The following ANKFN1 variants were observed in gnomAD, a reference collection of about 807,000 sequenced individuals.
ANKFN1 encodes ankyrin repeat and fibronectin type III domain containing 1, also known as ankyrin repeat and fibronectin type-III domain-containing protein 1.
In ANKFN1, 74 loss-of-function variants were observed where a neutral mutation model predicts 108.7. The observed-to-expected ratio is 0.68, with a 90% CI of 0.56 to 0.83. The LOEUF is 0.83. Among genes scored for constraint, ANKFN1 ranks in the 40% least tolerant of loss-of-function variants. The pLI is 0.00. For missense variants in ANKFN1, 1,505 were observed against 1,382.3 expected (o/e 1.09, Z -1.41); for synonymous variants, 547 against 516.2 (o/e 1.06, Z -0.81).
chr17:56,068,262 A>T (rs553256764), intron 4 of ANKFN1, among the ~76,000 whole-genome samples: 4 of 152,124 alleles, frequency 2.6e-5, no homozygotes, highest in Admixed American at 6.5e-5. Context: ...CACTCCAATG[A>T]GTGGTTAAAG....
chr17:56,507,595 C>CAAGGATG (rs2051609817), intron 20 of ANKFN1, among the ~76,000 whole-genome samples: 1 of 152,180 alleles, frequency 6.6e-6, no homozygotes. Context: ...TTGGCTTCCC[C>CAAGGATG]TCAGCTCAAC....
chr17:56,507,381 C>A (rs1199608704), intron 20 of ANKFN1, among the ~76,000 whole-genome samples: 1 of 152,136 alleles, frequency 6.6e-6, no homozygotes, highest in Non-Finnish European at 1.5e-5. Flanking sequence ...CCTCTGAGGA[C>A]AATGTGTCCT....
intron 3 of ANKFN1, among the ~76,000 whole-genome samples, chr17:56,235,199 G>A (rs562355735): frequency 6.6e-6 from 1 of 152,072 alleles, no homozygotes; most frequent in South Asian, 2.1e-4. Context: ...AATGTTTGTT[G>A]TTGTTGTTGT....
chr17:56,370,564 A>G (rs1335307084), intron 6 of ANKFN1, among the ~76,000 whole-genome samples: 1 of 152,236 alleles, frequency 6.6e-6, no homozygotes, highest in Non-Finnish European at 1.5e-5. Flanking sequence ...GGATAACTTA[A>G]CAAGGACAAT....
intron 3 of ANKFN1, among the ~76,000 whole-genome samples, chr17:56,241,636 C>T (rs550393306): frequency 6.6e-6 from 1 of 152,118 alleles, no homozygotes; most frequent in South Asian, 2.1e-4. Context: ...GCAAAAAGTA[C>T]CAAAACCCAT....
At chr17:56,316,803 A>G (rs976173972) in intron 3 of ANKFN1, among the ~76,000 whole-genome samples, 17 of 152,172 alleles carry the variant, frequency 1.1e-4, no homozygotes, top group Non-Finnish European at 2.2e-4. Flanking sequence ...ACCTAGGGTA[A>G]TTAAAGGATC....
intron 4 of ANKFN1, among the ~76,000 whole-genome samples, chr17:56,090,873 G>A (rs893993832): frequency 1.3e-5 from 2 of 151,200 alleles, no homozygotes; most frequent in East Asian, 3.9e-4. Context: ...ATCCCAAAGT[G>A]CTGGGATTAC....
chr17:56,285,710 C>T (rs1405405213), intron 3 of ANKFN1, among the ~76,000 whole-genome samples: 3 of 152,256 alleles, frequency 2.0e-5, no homozygotes, highest in South Asian at 2.1e-4. Context: ...TCCTCTTCCT[C>T]GGTTTCCTCC....
intron 6 of ANKFN1, among the ~76,000 whole-genome samples, chr17:56,362,988 A>T (rs2046562838): frequency 1.3e-5 from 2 of 152,146 alleles, no homozygotes; most frequent in African/African-American, 4.8e-5. Flanking sequence ...AGGCGGGAGG[A>T]TCATGAGGTC....
At chr17:56,097,769 T>A (rs1279140111) in intron 4 of ANKFN1, among the ~76,000 whole-genome samples, 1 of 152,218 alleles carries the variant, frequency 6.6e-6, no homozygotes, top group African/African-American at 2.4e-5. Flanking sequence ...TTCTTGCCCC[T>A]CCTTTATCAG....
chr17:56,414,987 T>C (rs2048199152), intron 8 of ANKFN1, among the ~76,000 whole-genome samples: 1 of 151,896 alleles, frequency 6.6e-6, no homozygotes, highest in Non-Finnish European at 1.5e-5. Flanking sequence ...ACCACTGCAC[T>C]CTGGCCTTGG....
intron 3 of ANKFN1, among the ~76,000 whole-genome samples, chr17:56,230,889 G>T (rs1916687110): frequency 6.6e-6 from 1 of 152,038 alleles, no homozygotes; most frequent in Non-Finnish European, 1.5e-5. Flanking sequence ...CCCATTGGTG[G>T]GGGTGAGGTG....
At chr17:56,255,675 T>C (rs2043340788) in intron 3 of ANKFN1, among the ~76,000 whole-genome samples, 1 of 152,206 alleles carries the variant, frequency 6.6e-6, no homozygotes, top group African/African-American at 2.4e-5. Context: ...AATCATGCTT[T>C]GTAAATGAGT....
chr17:56,303,215 C>T (rs2044722535), intron 3 of ANKFN1, among the ~76,000 whole-genome samples: 1 of 152,196 alleles, frequency 6.6e-6, no homozygotes, highest in African/African-American at 2.4e-5. Context: ...AAAATCAACA[C>T]AGTCCAACTC....
chr17:56,108,058 G>A (rs1458227136), intron 4 of ANKFN1, among the ~76,000 whole-genome samples: 1 of 151,748 alleles, frequency 6.6e-6, no homozygotes, highest in Non-Finnish European at 1.5e-5. Context: ...TTTTGAGATG[G>A]AGTCTTGCTC....
chr17:56,421,293 T>C (rs1204126085), intron 8 of ANKFN1, among the ~76,000 whole-genome samples: 1 of 152,174 alleles, frequency 6.6e-6, no homozygotes, highest in Admixed American at 6.5e-5. Flanking sequence ...ATGAGATGCC[T>C]CAATGAGGAA....
At chr17:56,318,889 G>A (rs1662391701) in intron 3 of ANKFN1, among the ~76,000 whole-genome samples, 1 of 152,144 alleles carries the variant, frequency 6.6e-6, no homozygotes, top group Non-Finnish European at 1.5e-5. Flanking sequence ...CATAAAGATA[G>A]GTCAAAGAGT....
intron 13 of ANKFN1, 42 bp from the exon 14 acceptor site, chr17:56,457,821 A>G (rs1295352683): frequency 1.4e-6 from 2 of 1,449,330 alleles, no homozygotes; most frequent in Non-Finnish European, 9.7e-7. Context: ...TAAATCATGT[A>G]CTGGCTTGGA....
chr17:56,360,137 AT>A (rs996542648), intron 6 of ANKFN1, among the ~76,000 whole-genome samples: 2 of 152,106 alleles, frequency 1.3e-5, no homozygotes, highest in African/African-American at 4.8e-5. Flanking sequence ...AGCCCTCAAT[AT>A]TTTTTTCTGC....
Sources: gnomAD v4.1 joint callset for allele counts (sites outside exome capture counted in the v4.1 genomes callset) on GRCh38, gnomAD v4.1.1 for gene constraint, MANE v1.5 for transcripts, NCBI Gene and HGNC (gene_info 2026-07-23, HGNC 2026-07-21) for gene names.